The following PTER variants were observed in gnomAD, a reference collection of about 807,000 sequenced individuals.
PTER encodes the protein phosphotriesterase related, also known as N-acetyltaurine hydrolase.
PTER carries 38 observed loss-of-function variants against 29.6 expected under a neutral mutation model. That is an observed-to-expected ratio of 1.28 (90% CI 0.99 to 1.68). The LOEUF is 1.68. Ranked by LOEUF, PTER falls within the 40% of genes most tolerant of loss-of-function variation. PTER has a pLI of 0.00. For synonymous variants in PTER, 172 were observed against 154.5 expected, an observed-to-expected ratio of 1.11 and a Z score of -0.84; for missense variants, 482 against 427.8, an observed-to-expected ratio of 1.13 and a Z score of -1.12.
intron 1 of PTER, among the ~76,000 whole-genome samples, chr10:16,472,198 G>T (rs1835078274): frequency 6.6e-6 from 1 of 152,142 alleles, no homozygotes; most frequent in Non-Finnish European, 1.5e-5. Flanking sequence ...ATTGCAGTTG[G>T]TTATTTGGTG....
chr10:16,513,466 G>A lies in PTER; in HGVS notation c.*2210G>A, dbSNP rs569693279. The stretch of plus-strand genomic sequence containing the variant: ...TTTCATCTAATATATATATGTGTGT[G>A]TGAGTATATGTGTGCATGTTTAGCA... On this transcript the variant is annotated 3_prime_UTR_variant, in exon 5 of 5. Transcript: ENST00000535784. 1 of 142,766 alleles carries A rather than the reference G, an allele frequency of 7.0e-6. No individual in the cohort carries two copies. Among genetic ancestry groups the A allele is most frequent in the East Asian group, 2.0e-4 (1 of 5,058 alleles). The allele number at this position is 142,766 out of a possible 1,614,324, so 8.8% of individuals were successfully genotyped here. A position where few individuals can be genotyped will look rare whatever the true frequency, so the allele number is the denominator to read the frequency against.
intron 1 of PTER, among the ~76,000 whole-genome samples, chr10:16,462,935 T>C (rs949785342): frequency 6.6e-6 from 1 of 151,272 alleles, no homozygotes; most frequent in Non-Finnish European, 1.5e-5. Flanking sequence ...GAGTCACGCC[T>C]GTAACCCCAG....
At position 16,463,050 on chromosome 10, in the gene PTER, G is replaced by A. The variant is rs546193867; in HGVS notation, c.-48-21287G>A. The stretch of plus-strand genomic sequence containing the variant: ...GTACTAAAAATACAAAAAATTAGTC[G>A]GGCTTGACGGCAGGCACCTGTAGTC... On this transcript the variant is annotated intron_variant, in intron 1 of 4. Transcript: ENST00000535784. Among the ~76,000 whole-genome samples the A allele has an allele frequency of 8.2e-4, 124 of 151,800 alleles. 2 individuals are homozygous for A. In the South Asian group the frequency reaches 0.01, roughly 12 times the overall value.
intron 4 of PTER, among the ~76,000 whole-genome samples, chr10:16,507,842 A>G (rs996769150): frequency 1.3e-5 from 2 of 152,098 alleles, no homozygotes. Context: ...TTGTTTTATT[A>G]TTTTAATTTA....
At chr10:16,473,163 G>A (rs1405475697) in intron 1 of PTER, among the ~76,000 whole-genome samples, 4 of 151,740 alleles carry the variant, frequency 2.6e-5, no homozygotes, top group Non-Finnish European at 4.4e-5. Context: ...TCTTTATTCG[G>A]CTCAAATGAG....
downstream of PTER, among the ~76,000 whole-genome samples, chr10:16,516,292 G>T (rs968679980): frequency 1.3e-5 from 2 of 152,102 alleles, no homozygotes; most frequent in Non-Finnish European, 2.9e-5. Context: ...AAATAATGAC[G>T]CAGTTTGACT....
chr10:16,495,841 G>A (rs765935643), intron 3 of PTER, among the ~76,000 whole-genome samples: 5 of 152,174 alleles, frequency 3.3e-5, no homozygotes, highest in South Asian at 2.1e-4. Context: ...GAACACCCAT[G>A]CTTTCCTTTC....
chr10:16,517,688 T>C (rs1046558009), downstream of PTER, among the ~76,000 whole-genome samples: 5 of 152,276 alleles, frequency 3.3e-5, no homozygotes, highest in Non-Finnish European at 7.4e-5. Context: ...GCTGCGGTCA[T>C]TTTAGGGATA....
Position 16,513,527 on chromosome 10 carries a change from A to G in PTER, c.*2271A>G, listed in dbSNP as rs1836891628. 1 of 152,484 alleles carries G rather than the reference A, an allele frequency of 6.6e-6. No homozygotes were observed. Among genetic ancestry groups the G allele is most frequent in the Non-Finnish European group, 1.5e-5 (1 of 67,942 alleles). The allele number at this position is 152,484 out of a possible 1,614,324, so 9.4% of individuals were successfully genotyped here. Reference sequence around the variant, plus strand: ...TAAAATATAAACACTCTGTTGTCATATAGGCTATATGCGAAATTGTTAATT... The same window carrying G: ...TAAAATATAAACACTCTGTTGTCATGTAGGCTATATGCGAAATTGTTAATT... On this transcript the variant is annotated 3_prime_UTR_variant, in exon 5 of 5. Transcript: ENST00000535784.
At chr10:16,477,338 CATTTT>C (rs1217516274) in intron 1 of PTER, among the ~76,000 whole-genome samples, 6 of 145,172 alleles carry the variant, frequency 4.1e-5, no homozygotes, top group Non-Finnish European at 7.4e-5. Context: ...GTAAAATACA[CATTTT>C]ATTTTATTTT....
intron 1 of PTER, among the ~76,000 whole-genome samples, chr10:16,457,769 G>T (rs1419482722): frequency 6.6e-6 from 1 of 151,600 alleles, no homozygotes; most frequent in Non-Finnish European, 1.5e-5. Flanking sequence ...CTGTAGTGTG[G>T]TGGCTAATTT....
At chr10:16,506,937 T>A (rs1489310570) in intron 4 of PTER, among the ~76,000 whole-genome samples, 1 of 151,746 alleles carries the variant, frequency 6.6e-6, no homozygotes, top group Non-Finnish European at 1.5e-5. Context: ...CACGATTTGG[T>A]GATTATTTTC....
chr10:16,443,489 A>C (rs1241516474), intron 1 of PTER, among the ~76,000 whole-genome samples: 6 of 152,186 alleles, frequency 3.9e-5, no homozygotes, highest in Admixed American at 3.9e-4. Flanking sequence ...ATTTTCTTTG[A>C]TTGTTAAATT....
chr10:16,492,146 A>T (rs1835922078), intron 3 of PTER, among the ~76,000 whole-genome samples: 1 of 152,162 alleles, frequency 6.6e-6, no homozygotes, highest in African/African-American at 2.4e-5. Flanking sequence ...GACAAGATAA[A>T]TCTGCTTCTG....
chr10:16,482,751 T>A (rs946519450), intron 1 of PTER, among the ~76,000 whole-genome samples: 7 of 152,160 alleles, frequency 4.6e-5, no homozygotes, highest in African/African-American at 1.7e-4. Context: ...TAGCTCTTGT[T>A]CCTTTATAAA....
chr10:16,473,010 A>C (rs527797817), intron 1 of PTER, among the ~76,000 whole-genome samples: 2 of 148,272 alleles, frequency 1.3e-5, no homozygotes, highest in Non-Finnish European at 3.0e-5. Context: ...TTTCCTTGCA[A>C]ACTTCAACCA....
chr10:16,509,301 G>C (rs979772765), intron 4 of PTER, among the ~76,000 whole-genome samples: 1 of 150,064 alleles, frequency 6.7e-6, no homozygotes, highest in African/African-American at 2.5e-5. Flanking sequence ...CTCATAAGTA[G>C]TCTCCAGATT....
chr10:16,490,391 C>G (rs562107716), intron 3 of PTER, among the ~76,000 whole-genome samples: 1 of 152,194 alleles, frequency 6.6e-6, no homozygotes, highest in East Asian at 1.9e-4. Flanking sequence ...CCTACTTCAT[C>G]CTCAAGGGTG....
chr10:16,491,436 T>C (rs1835894247), intron 3 of PTER, among the ~76,000 whole-genome samples: 1 of 152,158 alleles, frequency 6.6e-6, no homozygotes, highest in East Asian at 1.9e-4. Context: ...TCACAGACTC[T>C]CTGAGGTCTG....
Sources: allele counts gnomAD v4.1 joint callset (sites outside exome capture counted in the v4.1 genomes callset), GRCh38; gene constraint gnomAD v4.1.1; transcripts MANE v1.5; gene names NCBI Gene and HGNC (gene_info 2026-07-23, HGNC 2026-07-21).